Variants in RCBTB2 observed in about 807,000 individuals in gnomAD.
RCBTB2 encodes the protein RCC1 and BTB domain-containing protein 2.
A neutral mutation model predicts 65.4 loss-of-function variants in RCBTB2; 55 were observed. The ratio of observed to expected loss-of-function variants is 0.84; its 90% CI spans 0.68 to 1.05. RCBTB2 has a LOEUF of 1.05. Among genes scored for constraint, RCBTB2 ranks in the 50% least tolerant of loss-of-function variants. RCBTB2 has a pLI of 0.00. For synonymous variants in RCBTB2, 220 were observed against 255.2 expected, an observed-to-expected ratio of 0.86 and a Z score of 1.31; for missense variants, 599 against 680.1, an observed-to-expected ratio of 0.88 and a Z score of 1.33.
intron 10 of RCBTB2, among the ~76,000 whole-genome samples, chr13:48,507,249 G>C (rs757154773): frequency 1.1e-4 from 16 of 152,240 alleles, no homozygotes; most frequent in Non-Finnish European, 1.8e-4. Context: ...AGAAAGTTTA[G>C]AGGGTACTTT....
Position 48,493,313 on chromosome 13 carries a change from A to ACTCTCTCTCTCTCTCTCTCT in RCBTB2, c.1515+2877_1515+2878insAGAGAGAGAGAGAGAGAGAG, listed in dbSNP as rs1213235186. Among the ~76,000 whole-genome samples the ACTCTCTCTCTCTCTCTCTCT allele has an allele frequency of 1.2e-4, 7 of 60,142 alleles. No homozygotes were observed. In the East Asian group the frequency reaches 1.8e-3, roughly 15 times the overall value. The allele number at this position is 60,142 out of a possible 152,430, so 39.5% of individuals were successfully genotyped here. Reference sequence around the variant, plus strand: ...TCCACACACACACACACACACACACACACTCTCTCTCTCTCTCTCTCTCTC... The same window carrying ACTCTCTCTCTCTCTCTCTCT: ...TCCACACACACACACACACACACACACTCTCTCTCTCTCTCTCTCTCACTCTCTCTCTCTCTCTCTCTCTC... On this transcript the variant is annotated intron_variant, in intron 14 of 14. Coordinates refer to ENST00000344532, the MANE Select transcript of RCBTB2 (RefSeq NM_001268.4).
chr13:48,522,197 T>C, intron 3 of RCBTB2, 111 bp downstream of exon 3: 1 of 796,636 alleles, frequency 1.3e-6, no homozygotes, highest in Non-Finnish European at 2.0e-6. Flanking sequence ...TGCTGAGGTC[T>C]GAAAAAGTAG....
intron 10 of RCBTB2, among the ~76,000 whole-genome samples, chr13:48,503,368 A>C (rs1950335392): frequency 6.6e-6 from 1 of 152,176 alleles, no homozygotes; most frequent in African/African-American, 2.4e-5. Context: ...TGAAGACTTC[A>C]CCAATTTTTA....
At chr13:48,529,407 G>A (rs1043551100) in intron 1 of RCBTB2, among the ~76,000 whole-genome samples, 7 of 151,998 alleles carry the variant, frequency 4.6e-5, no homozygotes, top group African/African-American at 9.7e-5. Flanking sequence ...ATACATACAC[G>A]CAGCATAATA....
intron 13 of RCBTB2, among the ~76,000 whole-genome samples, chr13:48,498,622 C>G (rs949736724): frequency 6.6e-6 from 1 of 151,990 alleles, no homozygotes; most frequent in African/African-American, 2.4e-5. Flanking sequence ...CCCAGCTACT[C>G]GAGAGGCTGA....
At chr13:48,510,862 A>T in intron 9 of RCBTB2, 91 bp from the exon 10 acceptor site, 2 of 1,371,474 alleles carry the variant, frequency 1.5e-6, no homozygotes, top group Non-Finnish European at 2.0e-6. Context: ...AATGAAAAAA[A>T]AAGGAAGAGG....
At chr13:48,493,289 C>CCACACACA (rs1237098435) in intron 14 of RCBTB2, among the ~76,000 whole-genome samples, 14 of 102,352 alleles carry the variant, frequency 1.4e-4, no homozygotes, top group African/African-American at 4.3e-4. Flanking sequence ...CTCTCTCTCT[C>CCACACACA]CACACACACA....
At chr13:48,493,434 C>T (rs1325152538) in intron 14 of RCBTB2, among the ~76,000 whole-genome samples, 2 of 151,746 alleles carry the variant, frequency 1.3e-5, no homozygotes, top group South Asian at 2.1e-4. Context: ...ACTTCAAATG[C>T]CCATCATATC....
rs199580568 is a variant in RCBTB2, at chr13:48,530,194, C to G, written c.-219+2834G>C. On this transcript the variant is annotated intron_variant, in intron 1 of 14. Coordinates refer to ENST00000344532, the MANE Select transcript of RCBTB2 (RefSeq NM_001268.4). ...TGGGATTACAGGTGAGCCACCGCGC[C>G]CGGCCTGATTTGTAGTAATTTAAAT... Among the ~76,000 whole-genome samples, 7 of 152,148 alleles carry G rather than the reference C, an allele frequency of 4.6e-5. No homozygotes were observed. The East Asian group carries it at 1.3e-3, about 29-fold the overall frequency.
Position 48,512,787 on chromosome 13 carries a change from T to C in RCBTB2, c.458A>G (p.Gln153Arg). Residue 153 changes from glutamine to arginine, a missense_variant, in exon 7 of 15, where the codon CAA becomes CGA. By Grantham distance (43) the Gln-to-Arg change is conservative. Coordinates refer to ENST00000344532, the MANE Select transcript of RCBTB2 (RefSeq NM_001268.4). Reference protein sequence around the residue: ...CHISTNLSNKQVIEVACGSYH... With the variant: ...CHISTNLSNKRVIEVACGSYH... ...AGACCCACAGGCAACTTCAATGACT[T>C]GTTTGTTTGACAGATTAGTAGAGAT... The C allele has an allele frequency of 1.2e-6, 2 of 1,614,034 alleles. No homozygotes were observed. Among genetic ancestry groups the C allele is most frequent in the Non-Finnish European group, 1.7e-6 (2 of 1,179,926 alleles).
chr13:48,515,225 T>C lies in RCBTB2; in HGVS notation c.329A>G (p.His110Arg), dbSNP rs1566305968. Reference protein sequence around the residue: ...IACLSYGSGPHIVLATTEGEV... With the variant: ...IACLSYGSGPRIVLATTEGEV... ...GTTACCTGTTGTTGCAAGGACAATA[T>C]GTGGACCACTCCCATAGCTGAGGCA... The change falls in exon 6 of 15, where the codon CAT becomes CGT. Residue 110 changes from histidine (H) to arginine (R), a missense_variant. Physicochemically the swap from His to Arg is conservative, Grantham distance 29 (BLOSUM62 0). Transcript: ENST00000344532. The C allele has an allele frequency of 1.2e-6, 2 of 1,614,074 alleles. No individual in the cohort carries two copies. Among genetic ancestry groups the C allele is most frequent in the Non-Finnish European group, 1.7e-6 (2 of 1,179,990 alleles).
chr13:48,529,024 C>A (rs1020095263), intron 1 of RCBTB2, among the ~76,000 whole-genome samples: 6 of 152,050 alleles, frequency 3.9e-5, no homozygotes, highest in African/African-American at 1.4e-4. Flanking sequence ...TGAGTCAGAT[C>A]TTCAGTACAA....
intron 5 of RCBTB2, 72 bp from the exon 6 acceptor site, chr13:48,515,427 A>G: frequency 6.7e-7 from 1 of 1,483,888 alleles, no homozygotes; most frequent in East Asian, 2.3e-5. Context: ...CCAAACAGGA[A>G]TCATCTTCCT....
intron 3 of RCBTB2, 89 bp from the exon 4 acceptor site, chr13:48,522,051 A>C: frequency 9.2e-7 from 1 of 1,082,846 alleles, no homozygotes; most frequent in East Asian, 2.4e-5. Context: ...ATTAGCAGGG[A>C]AAATAAGCTA....
At chr13:48,508,412 G>GTTT (rs570095675) in intron 10 of RCBTB2, among the ~76,000 whole-genome samples, 2 of 143,720 alleles carry the variant, frequency 1.4e-5, no homozygotes, top group Admixed American at 6.9e-5. Context: ...ATTCATCCAT[G>GTTT]TTTTTTTTTT....
At chr13:48,501,478 C>T (rs1022373269) in intron 12 of RCBTB2, among the ~76,000 whole-genome samples, 9 of 152,120 alleles carry the variant, frequency 5.9e-5, no homozygotes, top group South Asian at 2.1e-4. Context: ...ACACTTGGAG[C>T]GTGCGCTGGC....
At position 48,511,307 on chromosome 13, in the gene RCBTB2, A is replaced by C. The variant is rs184466397; in HGVS notation, c.783+463T>G. ...ATTAAAAATTCTTTGTATACAATAC[A>C]TCATCTCCAGCATATATACTTGGCA... is the stretch of plus-strand genomic sequence containing the variant. On this transcript the variant is annotated intron_variant, in intron 9 of 14. Coordinates refer to ENST00000344532, the MANE Select transcript of RCBTB2 (RefSeq NM_001268.4). Among the ~76,000 whole-genome samples, 108 of 152,354 alleles carry C rather than the reference A, an allele frequency of 7.1e-4. 1 individual carries two copies. In the East Asian group the frequency reaches 9.3e-3, roughly 13 times the overall value.
At position 48,521,494 on chromosome 13, in the gene RCBTB2, A is replaced by G. The variant is rs147496668; in HGVS notation, c.42+404T>C. On this transcript the variant is annotated intron_variant, in intron 4 of 14. Transcript: ENST00000344532. ...TGTCATGTTCAGATGTGATGAAGAA[A>G]GAAATTAAAGAATGTCTATGATGAA... Among the ~76,000 whole-genome samples the G allele has an allele frequency of 4.1e-4, 63 of 152,356 alleles. No individual in the cohort carries two copies. The Middle Eastern group carries it at 0.01, about 25-fold the overall frequency.
intron 10 of RCBTB2, 113 bp from the exon 11 acceptor site, chr13:48,503,027 C>A: frequency 8.2e-7 from 1 of 1,215,050 alleles, no homozygotes; most frequent in South Asian, 1.7e-5. Flanking sequence ...CAAAAAGGGT[C>A]AGGAAAAGGA....
Sources: allele counts gnomAD v4.1 joint callset (sites outside exome capture counted in the v4.1 genomes callset), GRCh38; gene constraint gnomAD v4.1.1; transcripts MANE v1.5; gene names NCBI Gene and HGNC (gene_info 2026-07-23, HGNC 2026-07-21).